Variants in GPC6 observed in about 807,000 individuals in gnomAD.
GPC6 encodes glypican-6.
A neutral mutation model predicts 55.2 loss-of-function variants in GPC6; 14 were observed. The observed-to-expected ratio is 0.25, with a 90% CI of 0.17 to 0.40. GPC6 has a LOEUF of 0.40. GPC6 is among the 10% of genes least tolerant of loss of function. The probability of loss-of-function intolerance (pLI) is 1.00; values close to 1 mark genes in which losing one functional copy is unlikely to be tolerated. For synonymous variants in GPC6, 278 were observed against 259.6 expected (o/e 1.07, Z -0.68); for missense variants, 641 against 708.5 (o/e 0.90, Z 1.08).
intron 1 of GPC6, among the ~76,000 whole-genome samples, chr13:93,299,801 G>A (rs1878612599): frequency 6.6e-6 from 1 of 152,138 alleles, no homozygotes. Context: ...GTAATTACTA[G>A]TATCAACTAG....
chr13:93,256,333 C>T (rs1000570472), intron 1 of GPC6, among the ~76,000 whole-genome samples: 5 of 151,638 alleles, frequency 3.3e-5, no homozygotes, highest in Non-Finnish European at 5.9e-5. Context: ...CAAGAGAGAT[C>T]GTCATTTTTT....
intron 3 of GPC6, among the ~76,000 whole-genome samples, chr13:93,993,265 G>T (rs1345952466): frequency 6.6e-6 from 1 of 151,350 alleles, no homozygotes. Flanking sequence ...GTAATTAAAA[G>T]CAATTCTAAT....
chr13:93,720,090 G>A (rs1883399680), intron 2 of GPC6, among the ~76,000 whole-genome samples: 1 of 152,078 alleles, frequency 6.6e-6, no homozygotes, highest in African/African-American at 2.4e-5. Context: ...GATGATGCTG[G>A]CCTCATAAAA....
intron 2 of GPC6, among the ~76,000 whole-genome samples, chr13:93,553,694 C>CAAAAA (rs34521652): frequency 8.8e-5 from 5 of 56,638 alleles, no homozygotes; most frequent in Admixed American, 2.4e-4. Flanking sequence ...GACTCCATCT[C>CAAAAA]AAAAAAAAAA....
At position 93,275,379 on chromosome 13, in the gene GPC6, GAA is replaced by G. The variant is rs1470971618; in HGVS notation, c.160+47764_160+47765del. 2.0e-5 allele frequency among the ~76,000 whole-genome samples: 3 copies of G among 152,302 alleles called. No individual in the cohort carries two copies. In the East Asian group the frequency reaches 5.8e-4, roughly 29 times the overall value. ...ATTTTATGAGGCATGGAAATGAGGA[GAA>G]GAGAGCCTCATTCTTCAGAATACTA... On this transcript the variant is annotated intron_variant, in intron 1 of 8. Transcript: ENST00000377047.
In GPC6 at chr13:93,871,258, A is replaced by G. The variant is rs148702459; in HGVS notation, c.711+40713A>G. Among the ~76,000 whole-genome samples the G allele has an allele frequency of 2.7e-4, 41 of 152,092 alleles. 1 individual carries two copies. The highest frequency in any genetic ancestry group is 9.1e-4 in the African/African-American group (38 of 41,554). On this transcript the variant is annotated intron_variant, in intron 3 of 8. Coordinates refer to ENST00000377047, the MANE Select transcript of GPC6 (RefSeq NM_005708.5). ...AATACTCAGAGCTCCAAGTTTTTCA[A>G]CTACAGAGTGGGGTGACTAACACCT...
At chr13:93,706,227 T>A (rs1882844780) in intron 2 of GPC6, among the ~76,000 whole-genome samples, 1 of 151,888 alleles carries the variant, frequency 6.6e-6, no homozygotes, top group South Asian at 2.1e-4. Context: ...AATGCAATTA[T>A]TAGACAACTA....
chr13:94,044,188 G>A (rs1162115773), intron 4 of GPC6, among the ~76,000 whole-genome samples: 1 of 151,734 alleles, frequency 6.6e-6, no homozygotes, highest in East Asian at 1.9e-4. Flanking sequence ...TTAGTTTGTG[G>A]TTTATCTTTC....
intron 6 of GPC6, among the ~76,000 whole-genome samples, chr13:94,343,297 T>G (rs182286053): frequency 6.6e-6 from 1 of 152,314 alleles, no homozygotes; most frequent in African/African-American, 2.4e-5. Flanking sequence ...TGCTGCATCA[T>G]AAGTGACACC....
chr13:93,857,916 A>G (rs1015624682), intron 3 of GPC6, among the ~76,000 whole-genome samples: 3 of 151,580 alleles, frequency 2.0e-5, no homozygotes, highest in Non-Finnish European at 3.0e-5. Flanking sequence ...TGGGCCATAG[A>G]TAATGGGGAA....
intron 1 of GPC6, among the ~76,000 whole-genome samples, chr13:93,462,423 T>A (rs1566370165): frequency 6.6e-6 from 1 of 152,070 alleles, no homozygotes; most frequent in Admixed American, 6.6e-5. Flanking sequence ...CCAGAAGCCC[T>A]GGGTATAGAT....
intron 1 of GPC6, among the ~76,000 whole-genome samples, chr13:93,455,581 A>G (rs975861442): frequency 1.6e-4 from 24 of 152,108 alleles, no homozygotes; most frequent in African/African-American, 5.6e-4. Flanking sequence ...AAAAATCAAG[A>G]GCCAGGAAAG....
At chr13:93,428,837 A>G (rs1312326799) in intron 1 of GPC6, among the ~76,000 whole-genome samples, 2 of 152,166 alleles carry the variant, frequency 1.3e-5, no homozygotes, top group African/African-American at 2.4e-5. Flanking sequence ...GAATAAATAA[A>G]TGTAAATGTG....
chr13:93,237,877 G>C (rs2139010971), intron 1 of GPC6, among the ~76,000 whole-genome samples: 1 of 152,180 alleles, frequency 6.6e-6, no homozygotes, highest in South Asian at 2.1e-4. Context: ...GTTGGTTGTA[G>C]GGATTAGGCT....
Position 93,830,563 on chromosome 13 carries a change from T to G in GPC6, c.711+18T>G. The G allele has an allele frequency of 6.3e-7, 1 of 1,594,582 alleles. No individual in the cohort carries two copies. The highest frequency in any genetic ancestry group is 8.6e-7 in the Non-Finnish European group (1 of 1,164,308). ...TTTCCAAGGTAATTGAAAACGTGCT[T>G]TCTTTCTCATTGGTGTTCCTTGTTT... On this transcript the variant is annotated intron_variant, in intron 3 of 8. Transcript: ENST00000377047.
chr13:93,445,989 G>C (rs186198376), intron 1 of GPC6, among the ~76,000 whole-genome samples: 47 of 152,184 alleles, frequency 3.1e-4, no homozygotes, highest in Non-Finnish European at 4.1e-4. Context: ...CGGATAAAAA[G>C]GTTGTCTATC....
chr13:93,575,502 G>A (rs889140316), intron 2 of GPC6, among the ~76,000 whole-genome samples: 1 of 152,162 alleles, frequency 6.6e-6, no homozygotes, highest in African/African-American at 2.4e-5. Context: ...TGGGACCCAA[G>A]AATTTACCTG....
At chr13:93,543,483 C>A (rs1386220724) in intron 1 of GPC6, among the ~76,000 whole-genome samples, 2 of 151,888 alleles carry the variant, frequency 1.3e-5, no homozygotes, top group African/African-American at 4.8e-5. Context: ...GTCTAAAATT[C>A]TCTTTTTTGG....
intron 1 of GPC6, among the ~76,000 whole-genome samples, chr13:93,540,786 C>T (rs1474857708): frequency 1.3e-5 from 2 of 152,134 alleles, no homozygotes; most frequent in Non-Finnish European, 2.9e-5. Flanking sequence ...ACTTATTCCT[C>T]CTATTAGCTA....
Sources: allele counts gnomAD v4.1 joint callset (sites outside exome capture counted in the v4.1 genomes callset), GRCh38; gene constraint gnomAD v4.1.1; transcripts MANE v1.5; gene names NCBI Gene and HGNC (gene_info 2026-07-23, HGNC 2026-07-21).